Variants in EPHB1 observed in about 807,000 individuals in gnomAD.
EPHB1 encodes the protein ephrin type-B receptor 1.
EPHB1 carries 30 observed loss-of-function variants against 94.4 expected under a neutral mutation model. That is an observed-to-expected ratio of 0.32 (90% CI 0.24 to 0.43). The LOEUF (loss-of-function observed/expected upper bound fraction) is 0.43, where lower values mean the gene tolerates loss of function less well. EPHB1 is among the 20% of genes least tolerant of loss of function. EPHB1 has a pLI of 1.00. For synonymous variants in EPHB1, 522 were observed against 489.1 expected (o/e 1.07, Z -0.89); for missense variants, 1,055 against 1,308.3 (o/e 0.81, Z 2.99).
intron 1 of EPHB1, among the ~76,000 whole-genome samples, chr3:134,826,847 G>A (rs542977931): frequency 6.6e-6 from 1 of 152,172 alleles, no homozygotes; most frequent in African/African-American, 2.4e-5. Context: ...TATTCAGCAT[G>A]CCCTGGTGAG....
At chr3:134,917,413 G>A (rs1480774928) in intron 1 of EPHB1, among the ~76,000 whole-genome samples, 4 of 152,230 alleles carry the variant, frequency 2.6e-5, no homozygotes, top group Non-Finnish European at 4.4e-5. Context: ...CCTGGAGGGA[G>A]AGAAATGGCT....
intron 3 of EPHB1, among the ~76,000 whole-genome samples, chr3:135,078,191 C>T (rs942991885): frequency 6.6e-6 from 1 of 152,198 alleles, no homozygotes; most frequent in Non-Finnish European, 1.5e-5. Flanking sequence ...TGTGAGAAGA[C>T]TTCAGGCCTT....
chr3:135,256,297 C>A (rs927218616), intron 15 of EPHB1, among the ~76,000 whole-genome samples: 2 of 152,104 alleles, frequency 1.3e-5, no homozygotes, highest in African/African-American at 4.8e-5. Flanking sequence ...TTAGTTGATG[C>A]AGTTTCTTCC....
At position 135,147,235 on chromosome 3, in the gene EPHB1, A is replaced by G. The variant is rs576142112; in HGVS notation, c.1298-6917A>G. 3.4e-4 allele frequency among the ~76,000 whole-genome samples: 52 copies of G among 152,266 alleles called. 1 individual carries two copies. Among genetic ancestry groups the G allele is most frequent in the African/African-American group, 1.2e-3 (48 of 41,550 alleles). On this transcript the variant is annotated intron_variant, in intron 5 of 15. Coordinates refer to ENST00000398015, the MANE Select transcript of EPHB1 (RefSeq NM_004441.5). Reference sequence around the variant, plus strand: ...TTTCTTCACAGCTATGGTCTGTGCTATAGATCACAGGTAGTTAGTCCAAGG... The same window carrying G: ...TTTCTTCACAGCTATGGTCTGTGCTGTAGATCACAGGTAGTTAGTCCAAGG...
chr3:134,857,532 A>G (rs1167163153), intron 1 of EPHB1, among the ~76,000 whole-genome samples: 1 of 152,082 alleles, frequency 6.6e-6, no homozygotes, highest in East Asian at 1.9e-4. Context: ...TGCAGATTTC[A>G]GTTTGGCATG....
chr3:135,171,300 T>G (rs1332371975), intron 9 of EPHB1, among the ~76,000 whole-genome samples: 1 of 152,236 alleles, frequency 6.6e-6, no homozygotes, highest in African/African-American at 2.4e-5. Context: ...AAAGCATTTT[T>G]AAGTGGATAC....
intron 1 of EPHB1, among the ~76,000 whole-genome samples, chr3:134,892,733 C>A (rs911855376): frequency 1.3e-5 from 2 of 152,074 alleles, no homozygotes; most frequent in Non-Finnish European, 2.9e-5. Flanking sequence ...GGTCTCTATT[C>A]TCTGGCTTTC....
chr3:134,840,819 G>A (rs1379617655), intron 1 of EPHB1, among the ~76,000 whole-genome samples: 1 of 152,174 alleles, frequency 6.6e-6, no homozygotes, highest in Non-Finnish European at 1.5e-5. Flanking sequence ...TTGGTGACAG[G>A]TGTGACAACT....
At chr3:135,012,286 G>A (rs1935647451) in intron 3 of EPHB1, among the ~76,000 whole-genome samples, 1 of 152,196 alleles carries the variant, frequency 6.6e-6, no homozygotes, top group South Asian at 2.1e-4. Context: ...GTTTGTGCTT[G>A]GTGTGCATTT....
chr3:135,114,220 A>T (rs1034782644), intron 4 of EPHB1, among the ~76,000 whole-genome samples: 1 of 152,096 alleles, frequency 6.6e-6, no homozygotes, highest in Non-Finnish European at 1.5e-5. Flanking sequence ...TCATCTTTCA[A>T]ATAAGCAGTG....
At chr3:135,083,123 T>C (rs1282110873) in intron 3 of EPHB1, among the ~76,000 whole-genome samples, 1 of 152,014 alleles carries the variant, frequency 6.6e-6, no homozygotes. Context: ...TTTGGGAGGC[T>C]GGGACAGGGA....
intron 1 of EPHB1, among the ~76,000 whole-genome samples, chr3:134,863,481 C>T (rs1422854550): frequency 6.6e-6 from 1 of 152,194 alleles, no homozygotes; most frequent in East Asian, 1.9e-4. Flanking sequence ...TTCTTTCAAA[C>T]CCAGTCCCCT....
chr3:135,167,959 C>G (rs569145460), intron 9 of EPHB1, among the ~76,000 whole-genome samples: 1 of 152,308 alleles, frequency 6.6e-6, no homozygotes, highest in South Asian at 2.1e-4. Flanking sequence ...CAGGGGGGTT[C>G]TTCTGGGGGT....
chr3:134,964,519 T>C (rs1223956688), intron 3 of EPHB1, among the ~76,000 whole-genome samples: 2 of 152,246 alleles, frequency 1.3e-5, no homozygotes, highest in East Asian at 1.9e-4. Context: ...GAGCTTCTCA[T>C]TGAAATTGTA....
At chr3:135,141,018 C>T (rs575713392) in intron 5 of EPHB1, among the ~76,000 whole-genome samples, 5 of 152,164 alleles carry the variant, frequency 3.3e-5, no homozygotes, top group Non-Finnish European at 7.3e-5. Flanking sequence ...TTTTTCAGTG[C>T]AAGGTAAACT....
intron 1 of EPHB1, among the ~76,000 whole-genome samples, chr3:134,909,109 T>TGGGCGGGG (rs574576286): frequency 2.2e-4 from 18 of 82,564 alleles, no homozygotes; most frequent in African/African-American, 7.6e-4. Flanking sequence ...ACACACAAGG[T>TGGGCGGGG]GGGGGCGGGG....
chr3:135,083,186 A>G (rs1265231660), intron 3 of EPHB1, among the ~76,000 whole-genome samples: 1 of 152,154 alleles, frequency 6.6e-6, no homozygotes. Flanking sequence ...AGCTGTAGAA[A>G]GTCATGTCAG....
At chr3:135,253,616 C>A (rs1933229153) in intron 15 of EPHB1, among the ~76,000 whole-genome samples, 1 of 147,592 alleles carries the variant, frequency 6.8e-6, no homozygotes, top group Non-Finnish European at 1.5e-5. Context: ...GTTACTGTAG[C>A]CTTGTAGTAT....
At chr3:134,960,656 G>C (rs939864855) in intron 3 of EPHB1, among the ~76,000 whole-genome samples, 3 of 152,246 alleles carry the variant, frequency 2.0e-5, no homozygotes, top group African/African-American at 7.2e-5. Flanking sequence ...GTATGACCAG[G>C]GAGGTCAGGA....
Sources: gnomAD v4.1 joint callset for allele counts (sites outside exome capture counted in the v4.1 genomes callset) on GRCh38, gnomAD v4.1.1 for gene constraint, MANE v1.5 for transcripts, NCBI Gene and HGNC (gene_info 2026-07-23, HGNC 2026-07-21) for gene names.